USH2A: variants seen among roughly 807,000 people sequenced by gnomAD.
USH2A encodes the protein Usher syndrome 2A (autosomal recessive, mild).
A neutral mutation model predicts 538.9 loss-of-function variants in USH2A; 443 were observed. The ratio of observed to expected loss-of-function variants is 0.82; its 90% CI spans 0.76 to 0.89. The LOEUF is 0.89. Ranked by LOEUF, USH2A falls within the 40% of genes least tolerant of loss-of-function variation. The pLI, the probability that USH2A is intolerant of heterozygous loss-of-function variation, is 0.00. For synonymous variants in USH2A, 2,413 were observed against 2,273.5 expected (o/e 1.06, Z -1.75); for missense variants, 6,633 against 6,324.8 (o/e 1.05, Z -1.65).
intron 13 of USH2A, among the ~76,000 whole-genome samples, chr1:216,244,617 A>G (rs1339739072): frequency 6.6e-6 from 1 of 152,186 alleles, no homozygotes; most frequent in African/African-American, 2.4e-5. Context: ...AACAAATGAG[A>G]CAGTCTTATG....
At chr1:215,972,215 C>T (rs1284052317) in intron 35 of USH2A, among the ~76,000 whole-genome samples, 4 of 152,138 alleles carry the variant, frequency 2.6e-5, no homozygotes, top group South Asian at 2.1e-4. Flanking sequence ...AGAAAGAAAA[C>T]GTCCAGTTTC....
intron 32 of USH2A, among the ~76,000 whole-genome samples, chr1:216,034,591 AG>A (rs1669200849): frequency 6.6e-6 from 1 of 152,122 alleles, no homozygotes. Context: ...AGAGGAGGAG[AG>A]AACTTTAGAA....
At chr1:216,016,357 A>G (rs912585902) in intron 32 of USH2A, among the ~76,000 whole-genome samples, 3 of 152,196 alleles carry the variant, frequency 2.0e-5, no homozygotes, top group South Asian at 4.1e-4. Flanking sequence ...TAAAAAAGGA[A>G]AAAACAAAAA....
intron 4 of USH2A, among the ~76,000 whole-genome samples, chr1:216,340,834 G>A (rs1034453463): frequency 6.6e-6 from 1 of 152,038 alleles, no homozygotes; most frequent in African/African-American, 2.4e-5. Context: ...AGGTATTGAT[G>A]GAACATATCT....
chr1:215,970,034 C>A (rs1342488155), intron 36 of USH2A, among the ~76,000 whole-genome samples: 1 of 152,034 alleles, frequency 6.6e-6, no homozygotes, highest in Non-Finnish European at 1.5e-5. Flanking sequence ...AAAACATAAT[C>A]TTGTCAAGCT....
intron 9 of USH2A, among the ~76,000 whole-genome samples, chr1:216,308,794 C>T (rs780619986): frequency 2.0e-5 from 3 of 152,158 alleles, no homozygotes; most frequent in Admixed American, 6.5e-5. Flanking sequence ...CAATAAGCCT[C>T]TTTTTCTTTA....
intron 11 of USH2A, among the ~76,000 whole-genome samples, chr1:216,284,040 A>G (rs958021007): frequency 2.0e-5 from 3 of 152,104 alleles, no homozygotes; most frequent in African/African-American, 7.2e-5. Flanking sequence ...ATTCCTAATG[A>G]TGTTAATATG....
chr1:216,002,674 T>C (rs1668292861), intron 32 of USH2A, among the ~76,000 whole-genome samples: 1 of 152,156 alleles, frequency 6.6e-6, no homozygotes, highest in Non-Finnish European at 1.5e-5. Flanking sequence ...ACAAAATTCT[T>C]TGGCCAGTGA....
chr1:216,005,341 T>C (rs1244320926), intron 32 of USH2A, among the ~76,000 whole-genome samples: 1 of 152,266 alleles, frequency 6.6e-6, no homozygotes, highest in Admixed American at 6.5e-5. Context: ...CCTTGTTTAG[T>C]TCCATATCAT....
chr1:215,796,991 G>T (rs867638701), intron 50 of USH2A, among the ~76,000 whole-genome samples: 2 of 152,082 alleles, frequency 1.3e-5, no homozygotes, highest in South Asian at 2.1e-4. Context: ...AATCTTGTGG[G>T]TCTTATGGCC....
intron 38 of USH2A, among the ~76,000 whole-genome samples, chr1:215,912,519 A>ATG (rs374930277): frequency 0.16 from 10,881 of 66,416 alleles, 801 homozygotes; most frequent in Non-Finnish European, 0.23. Flanking sequence ...ATACGTGTAT[A>ATG]TATATATATA....
At chr1:216,137,087 C>T (rs1183488172) in intron 21 of USH2A, among the ~76,000 whole-genome samples, 1 of 152,136 alleles carries the variant, frequency 6.6e-6, no homozygotes, top group Non-Finnish European at 1.5e-5. Flanking sequence ...GATTTGAGAA[C>T]TAAAATGCTG....
chr1:216,366,218 T>TCA (rs2038592890), intron 3 of USH2A, among the ~76,000 whole-genome samples: 1 of 152,010 alleles, frequency 6.6e-6, no homozygotes, highest in Non-Finnish European at 1.5e-5. Flanking sequence ...AAGAGTGAGA[T>TCA]TTAAGGTCAT....
chr1:216,280,668 C>A (rs368122792), intron 11 of USH2A, among the ~76,000 whole-genome samples: 3 of 151,196 alleles, frequency 2.0e-5, no homozygotes, highest in Non-Finnish European at 4.4e-5. Context: ...TTACTTTATG[C>A]CCCTCTCAAG....
At chr1:216,009,279 C>T (rs1405576179) in intron 32 of USH2A, among the ~76,000 whole-genome samples, 1 of 152,090 alleles carries the variant, frequency 6.6e-6, no homozygotes, top group Non-Finnish European at 1.5e-5. Flanking sequence ...ACCCTCCATT[C>T]CTTCTTCTCC....
At chr1:216,377,573 G>A (rs2038845642) in intron 3 of USH2A, among the ~76,000 whole-genome samples, 1 of 151,658 alleles carries the variant, frequency 6.6e-6, no homozygotes, top group Non-Finnish European at 1.5e-5. Context: ...AATTACTCTT[G>A]AAAATAATAT....
chr1:215,777,025 T>A (rs1661486080), intron 55 of USH2A, among the ~76,000 whole-genome samples: 1 of 152,138 alleles, frequency 6.6e-6, no homozygotes, highest in Non-Finnish European at 1.5e-5. Context: ...ACTCTCTAAA[T>A]CTATTTAAAA....
Position 215,640,523 on chromosome 1 carries a change from C to T in USH2A, c.14968+35G>A, listed in dbSNP as rs886093540. On this transcript the variant is annotated intron_variant, in intron 68 of 71. Transcript: ENST00000307340. ...TCCCGTAAAGCTGGGGAACAGAGCG[C>T]CTTCCACACTGAGAAACAGGAGTCA... The T allele has an allele frequency of 1.9e-6, 3 of 1,612,342 alleles. No homozygotes were observed. In the African/African-American group the frequency reaches 4.0e-5, roughly 22 times the overall value.
intron 9 of USH2A, among the ~76,000 whole-genome samples, chr1:216,311,196 C>T (rs2037413855): frequency 6.6e-6 from 1 of 152,170 alleles, no homozygotes; most frequent in African/African-American, 2.4e-5. Flanking sequence ...ACCTACATCC[C>T]CCTTTGTCTC....
Sources: allele counts gnomAD v4.1 joint callset (sites outside exome capture counted in the v4.1 genomes callset), GRCh38; gene constraint gnomAD v4.1.1; transcripts MANE v1.5; gene names NCBI Gene and HGNC (gene_info 2026-07-23, HGNC 2026-07-21).